Variants in ABCC8 observed in about 807,000 individuals in gnomAD.
ABCC8 encodes ATP-binding cassette sub-family C member 8.
A neutral mutation model predicts 188.0 loss-of-function variants in ABCC8; 137 were observed. That is an observed-to-expected ratio of 0.73 (90% CI 0.63 to 0.84). The LOEUF (loss-of-function observed/expected upper bound fraction) is 0.84, where lower values mean the gene tolerates loss of function less well. ABCC8 is among the 40% of genes least tolerant of loss of function. The pLI, the probability that ABCC8 is intolerant of heterozygous loss-of-function variation, is 0.00. For synonymous variants in ABCC8, 797 were observed against 846.5 expected, an observed-to-expected ratio of 0.94 and a Z score of 1.01; for missense variants, 1,750 against 2,072.7, an observed-to-expected ratio of 0.84 and a Z score of 3.02.
At position 17,435,509 on chromosome 11, in the gene ABCC8, CT is replaced by C. The variant is rs552180589; in HGVS notation, c.1631-3266del. Among the ~76,000 whole-genome samples the C allele has an allele frequency of 2.0e-5, 3 of 152,334 alleles. No homozygotes were observed. The South Asian group carries it at 6.2e-4, about 32-fold the overall frequency. On this transcript the variant is annotated intron_variant, in intron 10 of 38. Coordinates refer to ENST00000389817, the MANE Select transcript of ABCC8 (RefSeq NM_000352.6). ...GGAGAAAACTAGACCCTTTTCCACT[CT>C]TATGGTCTACAAGGTACTCTACTGC...
intron 6 of ABCC8, among the ~76,000 whole-genome samples, chr11:17,455,937 CAAAAAAAAAAA>C (rs796687753): frequency 4.8e-5 from 3 of 62,744 alleles, no homozygotes; most frequent in South Asian, 1.2e-3. Flanking sequence ...AGGCTCCATC[CAAAAAAAAAAA>C]AAAAAAAAAA....
At chr11:17,401,905 A>C (rs1954262703) in intron 29 of ABCC8, among the ~76,000 whole-genome samples, 1 of 152,134 alleles carries the variant, frequency 6.6e-6, no homozygotes, top group Non-Finnish European at 1.5e-5. Flanking sequence ...CCCTCCTTTG[A>C]GTCCTAGTTC....
intron 21 of ABCC8, among the ~76,000 whole-genome samples, chr11:17,411,971 C>A (rs2133467244): frequency 6.7e-6 from 1 of 149,960 alleles, no homozygotes; most frequent in South Asian, 2.1e-4. Context: ...CGGCTCGCTG[C>A]AAGCTCCGCC....
At chr11:17,413,540 T>G (rs753266252) in intron 19 of ABCC8, 62 bp from the exon 20 acceptor site, 375 of 1,612,158 alleles carry the variant, frequency 2.3e-4, no homozygotes, top group Non-Finnish European at 3.0e-4. Context: ...CCCGAGCACT[T>G]GCAGAGGGTC....
At chr11:17,432,345 G>A in intron 10 of ABCC8, 101 bp from the exon 11 acceptor site, 1 of 1,548,234 alleles carries the variant, frequency 6.5e-7, no homozygotes, top group Non-Finnish European at 8.7e-7. Flanking sequence ...AGTGGGGCCA[G>A]CCTGTGGGGC....
At chr11:17,397,338 A>T (rs1231322123) in intron 31 of ABCC8, 25 bp from the exon 32 acceptor site, 2 of 1,607,072 alleles carry the variant, frequency 1.2e-6, no homozygotes, top group Non-Finnish European at 1.7e-6. Flanking sequence ...CCAGTGGCGC[A>T]CACTCCATGG....
intron 10 of ABCC8, among the ~76,000 whole-genome samples, chr11:17,432,771 G>A (rs781591102): frequency 2.0e-5 from 3 of 152,126 alleles, no homozygotes; most frequent in African/African-American, 4.8e-5. Flanking sequence ...GTCTGTGTGC[G>A]GGTGGGGTAG....
At chr11:17,461,187 G>A (rs1262662858) in intron 5 of ABCC8, 1 of 353,132 alleles carries the variant, frequency 2.8e-6, no homozygotes, top group African/African-American at 2.1e-5. Flanking sequence ...AACTCATAGA[G>A]TTACCATAAG....
rs1171426975 is a variant in ABCC8 at position 17,452,996 on chromosome 11, G to A, written c.1176+123C>T. The A allele has an allele frequency of 3.1e-6, 3 of 983,404 alleles. No homozygotes were observed. The African/African-American group carries it at 4.8e-5, about 16-fold the overall frequency. 60.9% of individuals were successfully genotyped at this position (983,404 alleles called of 1,614,324 possible). ...TTACTGTTTTAAAACATCGTTAATGGGCAACAAAAAATAAATTTACAGCAG... is the reference window on the plus strand; with the variant it reads ...TTACTGTTTTAAAACATCGTTAATGAGCAACAAAAAATAAATTTACAGCAG... On this transcript the variant is annotated intron_variant, in intron 7 of 38. Coordinates refer to ENST00000389817, the MANE Select transcript of ABCC8 (RefSeq NM_000352.6).
intron 6 of ABCC8, among the ~76,000 whole-genome samples, chr11:17,455,457 G>T (rs1351560510): frequency 6.6e-6 from 1 of 152,148 alleles, no homozygotes; most frequent in African/African-American, 2.4e-5. Flanking sequence ...CAAAACCTTT[G>T]ACTTCCTCTC....
In ABCC8 at chr11:17,461,639, C is replaced by T. The variant is rs1329684895; in HGVS notation, c.766G>A (p.Ala256Thr). The T allele has an allele frequency of 9.3e-6, 15 of 1,614,228 alleles. No homozygotes were observed. Among genetic ancestry groups the T allele is most frequent in the Middle Eastern group, 1.6e-4 (1 of 6,062 alleles). ...DLRAIGKLPI[A>T]MRALTNYQRL... ...TGGTAGTTGGTGAGGGCCCTCATGG[C>T]GATGGGCAGCTTCCCGATGGCTCGC... The change falls in exon 5 of 39, where the codon GCC becomes ACC. Residue 256 changes from alanine to threonine, a missense_variant. Physicochemically the swap from Ala to Thr is moderately conservative, Grantham distance 58. Coordinates refer to ENST00000389817, the MANE Select transcript of ABCC8 (RefSeq NM_000352.6).
chr11:17,425,453 T>C (rs915273256), intron 16 of ABCC8, among the ~76,000 whole-genome samples: 2 of 152,204 alleles, frequency 1.3e-5, no homozygotes, highest in African/African-American at 4.8e-5. Context: ...AATTTTCCCC[T>C]AGAAATGATT....
intron 6 of ABCC8, among the ~76,000 whole-genome samples, chr11:17,456,177 T>A (rs1956989630): frequency 6.6e-6 from 1 of 152,164 alleles, no homozygotes; most frequent in Non-Finnish European, 1.5e-5. Flanking sequence ...GCCCTAGTCT[T>A]GCATTTTCAC....
chr11:17,430,699 G>T, intron 12 of ABCC8, 115 bp downstream of exon 12: 1 of 1,241,242 alleles, frequency 8.1e-7, no homozygotes, highest in Non-Finnish European at 1.2e-6. Context: ...GCAAGGCCCA[G>T]CAATGGGGGT....
At chr11:17,425,398 G>A (rs574782295) in intron 16 of ABCC8, among the ~76,000 whole-genome samples, 9 of 152,208 alleles carry the variant, frequency 5.9e-5, no homozygotes, top group Non-Finnish European at 1.3e-4. Flanking sequence ...CTTTCTCCCT[G>A]CTCAGTTCTG....
rs1239999509 is a variant in ABCC8, at chr11:17,410,603, C to A, written c.2607G>T (p.Gln869His). The A allele has an allele frequency of 6.2e-7, 1 of 1,614,122 alleles. No homozygotes were observed. Among genetic ancestry groups the A allele is most frequent in the East Asian group, 2.2e-5 (1 of 44,870 alleles). The part of the protein sequence containing the change: ...LDIHLSDHLM[Q>H]AGILELLRDD... ...CCCGGAGCAGCTCAAGGATGCCGGC[C>A]TGCATTAAGTGGTCACTCAGATGGA... Residue 869 changes from glutamine to histidine, a missense_variant, in exon 22 of 39, where the codon CAG becomes CAT. Transcript: ENST00000389817.
intron 5 of ABCC8, 180 bp downstream of exon 5, chr11:17,461,402 AT>A: frequency 1.3e-6 from 1 of 765,420 alleles, no homozygotes; most frequent in Admixed American, 2.2e-5. Flanking sequence ...TGTCCTATGA[AT>A]CCTCAGCCCT....
At chr11:17,421,709 A>G (rs1311550971) in intron 16 of ABCC8, among the ~76,000 whole-genome samples, 1 of 152,216 alleles carries the variant, frequency 6.6e-6, no homozygotes, top group Non-Finnish European at 1.5e-5. Context: ...AAACTGGTAG[A>G]GAAAGCTTAT....
chr11:17,448,336 G>A (rs566048375), intron 8 of ABCC8, 180 bp downstream of exon 8: 1 of 651,068 alleles, frequency 1.5e-6, no homozygotes, highest in Non-Finnish European at 2.8e-6. Context: ...GATGGTCAGT[G>A]CTTGCAGAGT....
Sources: allele counts gnomAD v4.1 joint callset (sites outside exome capture counted in the v4.1 genomes callset), GRCh38; gene constraint gnomAD v4.1.1; transcripts MANE v1.5; gene names NCBI Gene and HGNC (gene_info 2026-07-23, HGNC 2026-07-21).